HERC2: variants seen among roughly 807,000 people sequenced by gnomAD.
The protein encoded by HERC2 is HECT and RLD domain containing E3 ubiquitin protein ligase 2.
HERC2 carries 102 observed loss-of-function variants against 537.7 expected under a neutral mutation model. The ratio of observed to expected loss-of-function variants is 0.19; its 90% CI spans 0.16 to 0.22. The LOEUF (loss-of-function observed/expected upper bound fraction) is 0.22, where lower values mean the gene tolerates loss of function less well. Ranked by LOEUF, HERC2 falls within the 10% of genes least tolerant of loss-of-function variation. HERC2 has a pLI of 1.00. For synonymous variants in HERC2, 2,224 were observed against 2,466.2 expected (o/e 0.90, Z 2.91); for missense variants, 4,236 against 6,198.2 (o/e 0.68, Z 10.63).
intron 68 of HERC2, among the ~76,000 whole-genome samples, chr15:28,164,115 C>G (rs745654241): frequency 6.6e-6 from 1 of 152,210 alleles, no homozygotes; most frequent in Non-Finnish European, 1.5e-5. Context: ...TGACCCTGTG[C>G]AGAGCAGGAG....
chr15:28,180,448 T>G (rs1233035504), intron 57 of HERC2, among the ~76,000 whole-genome samples: 3 of 152,224 alleles, frequency 2.0e-5, no homozygotes, highest in Non-Finnish European at 2.9e-5. Context: ...ACCAAAGGCA[T>G]TGGTTATCCC....
intron 89 of HERC2, chr15:28,115,222 A>G (rs998763661): frequency 1.7e-5 from 9 of 542,610 alleles, no homozygotes; most frequent in Non-Finnish European, 2.9e-5. Context: ...TTATCTGACA[A>G]GACAGTGTAT....
intron 57 of HERC2, among the ~76,000 whole-genome samples, chr15:28,181,837 G>A (rs1043839473): frequency 3.9e-5 from 6 of 152,222 alleles, no homozygotes; most frequent in Non-Finnish European, 4.4e-5. Flanking sequence ...ACGGCTTCCC[G>A]TGCAAGCTTC....
chr15:28,246,634 C>A, intron 22 of HERC2, 108 bp downstream of exon 22: 1 of 993,334 alleles, frequency 1.0e-6, no homozygotes, highest in East Asian at 2.8e-5. Context: ...GCAGGAGGCC[C>A]AGAAAATTTA....
chr15:28,300,823 CAAAAAAAAA>C (rs57696757), intron 2 of HERC2, among the ~76,000 whole-genome samples: 7 of 13,156 alleles, frequency 5.3e-4, no homozygotes, highest in East Asian at 2.5e-3. Context: ...GACTCCATCT[CAAAAAAAAA>C]AAAAAAAAAA....
intron 5 of HERC2, among the ~76,000 whole-genome samples, chr15:28,276,199 A>C (rs894589207): frequency 2.6e-4 from 38 of 146,956 alleles, no homozygotes; most frequent in Non-Finnish European, 4.0e-4. Context: ...AAACAAAAAA[A>C]AAAAAAAAAA....
intron 3 of HERC2, among the ~76,000 whole-genome samples, chr15:28,295,467 G>A (rs939637748): frequency 2.0e-5 from 3 of 152,076 alleles, no homozygotes; most frequent in African/African-American, 7.2e-5. Context: ...CACAACCTCT[G>A]CCTCCCAGGT....
chr15:28,184,193 A>AAT (rs1178040464), intron 56 of HERC2, among the ~76,000 whole-genome samples: 3 of 152,092 alleles, frequency 2.0e-5, no homozygotes, highest in East Asian at 3.9e-4. Flanking sequence ...CCTATCTCAA[A>AAT]ATATATATAT....
intron 45 of HERC2, among the ~76,000 whole-genome samples, chr15:28,204,241 C>T (rs1230680516): frequency 2.0e-5 from 3 of 152,180 alleles, no homozygotes; most frequent in African/African-American, 4.8e-5. Flanking sequence ...CTGCAAAGAG[C>T]AGCAGACCAA....
At chr15:28,243,159 G>A (rs1903303206) in intron 23 of HERC2, among the ~76,000 whole-genome samples, 1 of 152,202 alleles carries the variant, frequency 6.6e-6, no homozygotes, top group African/African-American at 2.4e-5. Context: ...ACCAAGGACA[G>A]TCTTTTCACC....
At chr15:28,255,338 AAAAAG>A (rs1422645339) in intron 19 of HERC2, among the ~76,000 whole-genome samples, 1 of 152,118 alleles carries the variant, frequency 6.6e-6, no homozygotes, top group Non-Finnish European at 1.5e-5. Context: ...TGTCTCAAAA[AAAAAG>A]AAAACAAAAA....
At chr15:28,116,380 A>T (rs2142053735) in intron 88 of HERC2, among the ~76,000 whole-genome samples, 1 of 151,632 alleles carries the variant, frequency 6.6e-6, no homozygotes, top group East Asian at 1.9e-4. Flanking sequence ...CAGCCAGCTA[A>T]TTTTTTTTGT....
At position 28,254,337 on chromosome 15, in the gene HERC2, T is replaced by C; in HGVS notation, c.3050+3A>G. The C allele has an allele frequency of 6.4e-7, 1 of 1,567,628 alleles. No homozygotes were observed. Among genetic ancestry groups the C allele is most frequent in the Non-Finnish European group, 8.6e-7 (1 of 1,157,792 alleles). On this transcript the variant is annotated splice_donor_region_variant and intron_variant, in intron 20 of 92. Coordinates refer to ENST00000261609, the MANE Select transcript of HERC2 (RefSeq NM_004667.6). Reference sequence around the variant, plus strand: ...ATAATACAATACAGCTACTACGATTTACCTAAGAAGCTGTTGTATGAGCTG... The same window carrying C: ...ATAATACAATACAGCTACTACGATTCACCTAAGAAGCTGTTGTATGAGCTG...
Position 28,163,104 on chromosome 15 carries a change from G to C in HERC2, c.10736C>G (p.Ala3579Gly). 1 of 1,609,712 alleles carries C rather than the reference G, an allele frequency of 6.2e-7. No homozygotes were observed. Among genetic ancestry groups the C allele is most frequent in the Admixed American group, 1.7e-5 (1 of 59,970 alleles). ...CTCCCTGAGACTCACCTGTGGGTAG[G>C]CGGTCCCCATGCCGGAAAGCACCGC... is the stretch of plus-strand genomic sequence containing the variant. The part of the protein sequence containing the change: ...LSAVLSGMGT[A>G]YPQVADMLLE... The change falls in exon 69 of 93, where the codon GCC becomes GGC. Residue 3579 changes from alanine to glycine, a missense_variant. By Grantham distance (60) the Ala-to-Gly change is moderately conservative. Coordinates refer to ENST00000261609, the MANE Select transcript of HERC2 (RefSeq NM_004667.6).
intron 4 of HERC2, among the ~76,000 whole-genome samples, chr15:28,286,211 T>G (rs2076154562): frequency 6.6e-6 from 1 of 151,762 alleles, no homozygotes; most frequent in African/African-American, 2.4e-5. Context: ...GAAGCTAATA[T>G]TAAGAAGCTA....
chr15:28,115,619 G>T, intron 88 of HERC2, 78 bp from the exon 89 acceptor site: 2 of 965,900 alleles, frequency 2.1e-6, no homozygotes, highest in Non-Finnish European at 3.3e-6. Context: ...ACACGCCACT[G>T]ACAGCAGCTC....
chr15:28,247,216 G>A (rs1290417194), intron 21 of HERC2, among the ~76,000 whole-genome samples: 3 of 151,572 alleles, frequency 2.0e-5, no homozygotes, highest in South Asian at 4.2e-4. Context: ...GATTGGACTC[G>A]AACCCCTGGG....
chr15:28,134,932 C>G (rs1459237327), intron 79 of HERC2, among the ~76,000 whole-genome samples: 1 of 152,030 alleles, frequency 6.6e-6, no homozygotes, highest in Non-Finnish European at 1.5e-5. Context: ...CTCAGCTTCC[C>G]AAAGTGCTGG....
At chr15:28,172,204 C>G (rs186921638) in intron 65 of HERC2, among the ~76,000 whole-genome samples, 1 of 152,186 alleles carries the variant, frequency 6.6e-6, no homozygotes, top group South Asian at 2.1e-4. Context: ...TCCATCCTTT[C>G]CACATTGACT....
Sources: gnomAD v4.1 joint callset for allele counts (sites outside exome capture counted in the v4.1 genomes callset) on GRCh38, gnomAD v4.1.1 for gene constraint, MANE v1.5 for transcripts, NCBI Gene and HGNC (gene_info 2026-07-23, HGNC 2026-07-21) for gene names.